Variants in DESI1 observed in about 807,000 individuals in gnomAD.
DESI1 encodes the protein desumoylating isopeptidase 1, also known as PPPDE peptidase domain containing 2.
DESI1 carries 17 observed loss-of-function variants against 22.4 expected under a neutral mutation model. That is an observed-to-expected ratio of 0.76 (90% confidence interval 0.52 to 1.14). The LOEUF is 1.14. DESI1 is among the 50% of genes most tolerant of loss of function. The pLI, the probability that DESI1 is intolerant of heterozygous loss-of-function variation, is 0.00. For synonymous variants in DESI1, 92 were observed against 84.2 expected, an observed-to-expected ratio of 1.09 and a Z score of -0.51; for missense variants, 177 against 208.9, an observed-to-expected ratio of 0.85 and a Z score of 0.94.
chr22:41,618,126 G>C (rs1383029179), intron 1 of DESI1, among the ~76,000 whole-genome samples: 1 of 152,134 alleles, frequency 6.6e-6, no homozygotes, highest in Non-Finnish European at 1.5e-5. Context: ...ACTTTGGGAG[G>C]CTGAGGCGGG....
At chr22:41,603,026 A>G in intron 5 of DESI1, 1 of 667,224 alleles carries the variant, frequency 1.5e-6, no homozygotes, top group Non-Finnish European at 2.4e-6. Context: ...GTGGGTGTCT[A>G]AGTTCTGTGG....
intron 1 of DESI1, among the ~76,000 whole-genome samples, chr22:41,608,922 T>G (rs971079528): frequency 6.6e-6 from 1 of 152,186 alleles, no homozygotes; most frequent in African/African-American, 2.4e-5. Flanking sequence ...GATTGCTAAC[T>G]GCTACCTTCG....
At chr22:41,619,561 T>C (rs2067571232) in intron 1 of DESI1, among the ~76,000 whole-genome samples, 2 of 152,250 alleles carry the variant, frequency 1.3e-5, no homozygotes, top group Admixed American at 1.3e-4. Context: ...AACCTTGTTT[T>C]TTCTAATCTC....
At position 41,598,148 on chromosome 22, in the gene DESI1, T is replaced by G. The variant is rs2067431153; in HGVS notation, c.*2949A>C. On this transcript the variant is annotated 3_prime_UTR_variant, in exon 6 of 6. Coordinates refer to ENST00000263256, the MANE Select transcript of DESI1 (RefSeq NM_015704.3). Reference sequence around the variant, plus strand: ...GCATAAAGAAAACTCAGATACTAGATTTACTTCTGGGAGGGGGTGATGGTC... The same window carrying G: ...GCATAAAGAAAACTCAGATACTAGAGTTACTTCTGGGAGGGGGTGATGGTC... 1 of 152,192 alleles carries G rather than the reference T, an allele frequency of 6.6e-6. No individual in the cohort carries two copies. Among genetic ancestry groups the G allele is most frequent in the Non-Finnish European group, 1.5e-5 (1 of 68,056 alleles). The allele number at this position is 152,192 out of a possible 1,614,324, so 9.4% of individuals were successfully genotyped here. A position where few individuals can be genotyped will look rare whatever the true frequency, so the allele number is the denominator to read the frequency against.
intron 1 of DESI1, among the ~76,000 whole-genome samples, chr22:41,619,703 A>G (rs72547424): frequency 6.6e-5 from 10 of 152,340 alleles, no homozygotes; most frequent in Middle Eastern, 3.4e-3. Flanking sequence ...TCACTACGAC[A>G]TATTAGAAAC....
chr22:41,605,952 A>C (rs1189830501), intron 3 of DESI1, among the ~76,000 whole-genome samples: 1 of 152,102 alleles, frequency 6.6e-6, no homozygotes, highest in Non-Finnish European at 1.5e-5. Context: ...CTGATGTCAG[A>C]GTGCAGGTTT....
chr22:41,607,829 AC>A lies in DESI1; in HGVS notation c.110+10del. The A allele has an allele frequency of 6.2e-7, 1 of 1,614,208 alleles. No homozygotes were observed. Among genetic ancestry groups the A allele is most frequent in the Admixed American group, 1.7e-5 (1 of 60,030 alleles). ...AAAACTAGTCAAAGTAAGGAGACCC[AC>A]CCAACTTACCAGATGCCTTCCAGTT... is the stretch of plus-strand genomic sequence containing the variant. On this transcript the variant is annotated intron_variant, in intron 2 of 5. Transcript: ENST00000263256.
rs1256303033 is a variant in DESI1, at chr22:41,599,811, G to A, written c.*1286C>T. 4 of 151,668 alleles carry A rather than the reference G, an allele frequency of 2.6e-5. No individual in the cohort carries two copies. Among genetic ancestry groups the A allele is most frequent in the African/African-American group, 9.6e-5 (4 of 41,456 alleles). The allele number at this position is 151,668 out of a possible 1,614,324, so 9.4% of individuals were successfully genotyped here. ...TGACCTCAAGTGATCTGCCTGCCTC[G>A]GCCTCCCAAAGTGCTGGGATTACAG... On this transcript the variant is annotated 3_prime_UTR_variant, in exon 6 of 6. Transcript: ENST00000263256.
chr22:41,620,963 AGGGGTG>A lies in DESI1; in HGVS notation c.-130_-125del. 1.4e-6 allele frequency: 1 copy of A among 722,980 alleles called. No homozygotes were observed. The highest frequency in any genetic ancestry group is 2.2e-6 in the Non-Finnish European group (1 of 461,262). The allele number at this position is 722,980 out of a possible 1,614,324, so 44.8% of individuals were successfully genotyped here. On this transcript the variant is annotated 5_prime_UTR_variant, in exon 1 of 6. Coordinates refer to ENST00000263256, the MANE Select transcript of DESI1 (RefSeq NM_015704.3). ...GGGGACCGAGCCCGGGCCCGGGCTG[AGGGGTG>A]GGGGAGAGGCCGCCCTGCGCTGCTC...
chr22:41,606,883 T>C (rs1033641327), intron 3 of DESI1, among the ~76,000 whole-genome samples: 2 of 151,776 alleles, frequency 1.3e-5, no homozygotes, highest in African/African-American at 4.8e-5. Flanking sequence ...TGTTTAAGTT[T>C]GGGCAAGTCT....
intron 3 of DESI1, among the ~76,000 whole-genome samples, chr22:41,605,117 C>T (rs987725444): frequency 6.6e-6 from 1 of 152,204 alleles, no homozygotes; most frequent in Non-Finnish European, 1.5e-5. Flanking sequence ...TGCCTATTTG[C>T]ATAAAGTATG....
At chr22:41,605,570 T>G (rs576058333) in intron 3 of DESI1, among the ~76,000 whole-genome samples, 78 of 152,330 alleles carry the variant, frequency 5.1e-4, no homozygotes, top group Non-Finnish European at 8.1e-4. Context: ...AACAATTATC[T>G]CAGAGTTGTA....
intron 1 of DESI1, among the ~76,000 whole-genome samples, chr22:41,608,649 G>A (rs555605366): frequency 7.3e-4 from 111 of 152,268 alleles, no homozygotes; most frequent in African/African-American, 2.5e-3. Context: ...CCAGCAAAGC[G>A]GGCAGGCCTG....
chr22:41,605,272 T>C (rs1038173821), intron 3 of DESI1, among the ~76,000 whole-genome samples: 2 of 152,144 alleles, frequency 1.3e-5, no homozygotes, highest in East Asian at 1.9e-4. Context: ...ATCACCATCA[T>C]AGGGCAAGGG....
chr22:41,619,162 C>T (rs112280273), intron 1 of DESI1, among the ~76,000 whole-genome samples: 1 of 152,052 alleles, frequency 6.6e-6, no homozygotes, highest in African/African-American at 2.4e-5. Flanking sequence ...TTCAGATGTG[C>T]CTCAATCATT....
chr22:41,608,910 CT>C (rs1192179224), intron 1 of DESI1, among the ~76,000 whole-genome samples: 1 of 152,192 alleles, frequency 6.6e-6, no homozygotes, highest in Non-Finnish European at 1.5e-5. Flanking sequence ...TGGCAGATTA[CT>C]GATTGCTAAC....
intron 3 of DESI1, among the ~76,000 whole-genome samples, chr22:41,604,787 G>A (rs57162314): frequency 0.072 from 10,995 of 151,854 alleles, 953 homozygotes; most frequent in African/African-American, 0.2. Context: ...ACAAATTCAC[G>A]TCAGGCCACT....
chr22:41,607,929 C>A, intron 1 of DESI1, 68 bp from the exon 2 acceptor site: 1 of 1,572,788 alleles, frequency 6.4e-7, no homozygotes, highest in Admixed American at 1.7e-5. Flanking sequence ...TTGGTAAATT[C>A]ATGACATCAC....
Position 41,599,169 on chromosome 22 carries a change from A to C in DESI1, c.*1928T>G, listed in dbSNP as rs2067436282. 1 of 152,188 alleles carries C rather than the reference A, an allele frequency of 6.6e-6. No individual in the cohort carries two copies. The highest frequency in any genetic ancestry group is 1.5e-5 in the Non-Finnish European group (1 of 68,064). The allele number at this position is 152,188 out of a possible 1,614,324, so 9.4% of individuals were successfully genotyped here. A position where few individuals can be genotyped will look rare whatever the true frequency, so the allele number is the denominator to read the frequency against. ...TTTGGAGAGGAAAGGCCTGTGCTGC[A>C]GGCCAGACTTCCAGGAAGAAGCAAC... On this transcript the variant is annotated 3_prime_UTR_variant, in exon 6 of 6. Coordinates refer to ENST00000263256, the MANE Select transcript of DESI1 (RefSeq NM_015704.3).
Sources: allele counts gnomAD v4.1 joint callset (sites outside exome capture counted in the v4.1 genomes callset), GRCh38; gene constraint gnomAD v4.1.1; transcripts MANE v1.5; gene names NCBI Gene and HGNC (gene_info 2026-07-23, HGNC 2026-07-21).